Variants in DGKQ observed in about 807,000 individuals in gnomAD.
DGKQ encodes the protein DAG kinase theta.
A neutral mutation model predicts 104.2 loss-of-function variants in DGKQ; 97 were observed. The observed-to-expected ratio is 0.93, with a 90% CI of 0.79 to 1.10. DGKQ has a LOEUF of 1.10. DGKQ is among the 50% of genes least tolerant of loss of function. The pLI, the probability that DGKQ is intolerant of heterozygous loss-of-function variation, is 0.00. For missense variants in DGKQ, 1,465 were observed against 1,352.1 expected, an observed-to-expected ratio of 1.08 and a Z score of -1.31; for synonymous variants, 736 against 595.2, an observed-to-expected ratio of 1.24 and a Z score of -3.44.
chr4:960,323 GC>G lies in DGKQ; in HGVS notation c.*296del. The G allele has an allele frequency of 2.1e-6, 1 of 483,110 alleles. No individual in the cohort carries two copies. 29.9% of individuals were successfully genotyped at this position (483,110 alleles called of 1,614,324 possible). On this transcript the variant is annotated 3_prime_UTR_variant, in exon 23 of 23. Transcript: ENST00000273814. Reference sequence around the variant, plus strand: ...TGCCCACCCCTGAGGAGAGGACCAGGCCCCCACAGGGCAGAGGGCTCACCAT... The same window carrying G: ...TGCCCACCCCTGAGGAGAGGACCAGGCCCCACAGGGCAGAGGGCTCACCAT...
At position 960,572 on chromosome 4, in the gene DGKQ, C is replaced by T. The variant is rs776347949; in HGVS notation, c.*48G>A. ...GCCTCCAGACCACCTGAAAACAAGG[C>T]TGGCGGGAGCAGAGATGGCTCGAGC... On this transcript the variant is annotated 3_prime_UTR_variant, in exon 23 of 23. Coordinates refer to ENST00000273814, the MANE Select transcript of DGKQ (RefSeq NM_001347.4). The T allele has an allele frequency of 1.5e-5, 23 of 1,552,588 alleles. No homozygotes were observed. In the Admixed American group the frequency reaches 3.0e-4, roughly 20 times the overall value.
At chr4:972,749 G>A (rs1560522889) in intron 1 of DGKQ, among the ~76,000 whole-genome samples, 1 of 152,226 alleles carries the variant, frequency 6.6e-6, no homozygotes, top group African/African-American at 2.4e-5. Flanking sequence ...AGCAAGAGCT[G>A]GGCAGCTGGG....
Position 971,101 on chromosome 4 carries a change from C to A in DGKQ, c.272-29G>T, listed in dbSNP as rs1224876317. On this transcript the variant is annotated intron_variant, in intron 1 of 22. Transcript: ENST00000273814. The surrounding 1 kb of genome is among the most constrained non-coding windows in gnomAD (Gnocchi z 4.0). Reference sequence around the variant, plus strand: ...TGGGAATGAGCACTGTGTGAGTTGGCCCCTGTCCTACCCAATGGCTGTCCT... The same window carrying A: ...TGGGAATGAGCACTGTGTGAGTTGGACCCTGTCCTACCCAATGGCTGTCCT... The A allele has an allele frequency of 1.3e-6, 2 of 1,526,106 alleles. No individual in the cohort carries two copies. The highest frequency in any genetic ancestry group is 1.8e-6 in the Non-Finnish European group (2 of 1,124,670). 94.5% of individuals were successfully genotyped at this position (1,526,106 alleles called of 1,614,324 possible). A position where few individuals can be genotyped will look rare whatever the true frequency, so the allele number is the denominator to read the frequency against.
Position 968,878 on chromosome 4 carries a change from C to T in DGKQ, c.384G>A (p.Gly128=), listed in dbSNP as rs535327791. The T allele has an allele frequency of 1.4e-5, 23 of 1,600,834 alleles. No individual in the cohort carries two copies. Among genetic ancestry groups the T allele is most frequent in the East Asian group, 2.2e-5 (1 of 44,502 alleles). The change falls in exon 3 of 23, where the codon GGG becomes GGA. Residue 128 remains glycine, a synonymous_variant. Coordinates refer to ENST00000273814, the MANE Select transcript of DGKQ (RefSeq NM_001347.4). ...VPVAHCFGPR[G]LHKRKFCAVC... ...CAGCACAGAACTTGCGCTTGTGGAG[C>T]CCCCGGGGGCCGAAGCAGTGGGCTA...
chr4:966,858 C>A, intron 10 of DGKQ, 56 bp from the exon 11 acceptor site: 1 of 1,574,198 alleles, frequency 6.4e-7, no homozygotes, highest in Non-Finnish European at 8.6e-7. Flanking sequence ...CCTCAGGACA[C>A]CCGCGGGGAC....
chr4:965,377 A>G, intron 14 of DGKQ, 86 bp from the exon 15 acceptor site: 1 of 1,553,646 alleles, frequency 6.4e-7, no homozygotes, highest in African/African-American at 1.4e-5. Flanking sequence ...ACGTTTCCCC[A>G]GCCCAGGGCT....
chr4:961,542 G>A lies in DGKQ; in HGVS notation c.2499C>T (p.Ser833=), dbSNP rs372051327. The change falls in exon 21 of 23, where the codon AGC becomes AGT. Residue 833 remains serine (S), a synonymous_variant. Coordinates refer to ENST00000273814, the MANE Select transcript of DGKQ (RefSeq NM_001347.4). ...TGCGTGGCTTCTCAAACCTGGTGTCGCTGTCGGAGCCCCACAGGTCGGCCC... is the reference window on the plus strand; with the variant it reads ...TGCGTGGCTTCTCAAACCTGGTGTCACTGTCGGAGCCCCACAGGTCGGCCC... The part of the protein sequence containing the change: ...GSGADLWGSD[S]DTRFEKPRMD... The A allele has an allele frequency of 6.6e-5, 106 of 1,609,072 alleles. No individual in the cohort carries two copies. The highest frequency in any genetic ancestry group is 4.7e-4 in the Admixed American group (28 of 59,720).
At chr4:965,776 A>G in intron 13 of DGKQ, 152 bp downstream of exon 13, 1 of 950,508 alleles carries the variant, frequency 1.1e-6, no homozygotes, top group South Asian at 1.7e-5. Context: ...GAGGCTCCAG[A>G]GCCTCTTGGA....
In DGKQ at chr4:962,044, G is replaced by T; in HGVS notation, c.2253C>A (p.Asp751Glu). 1 of 1,612,922 alleles carries T rather than the reference G, an allele frequency of 6.2e-7. No homozygotes were observed. Among genetic ancestry groups the T allele is most frequent in the Non-Finnish European group, 8.5e-7 (1 of 1,179,942 alleles). The change falls in exon 19 of 23, where the codon GAC becomes GAA. Residue 751 changes from aspartate (D) to glutamate (E), a missense_variant. Coordinates refer to ENST00000273814, the MANE Select transcript of DGKQ (RefSeq NM_001347.4). ...QMSNYCGIGI[D>E]AELSLDFHQA... The stretch of plus-strand genomic sequence containing the variant: ...GGTGGAAGTCCAGGCTCAGCTCCGC[G>T]TCGATGCCAATGCCACAGTAGTTAC...
Position 973,303 on chromosome 4 carries a change from TC to T in DGKQ, c.179del (p.Gly60AspfsTer7). The part of the protein sequence containing the change: ...VRAPGPAAAP[G>X]HSFRKVTLTK... The stretch of plus-strand genomic sequence containing the variant: ...TGAGCGTCACCTTCCGGAAGCTGTG[TC>T]CCGGCGCGGCAGCGGGGCCCGGGGC... On this transcript the variant is annotated frameshift_variant, in exon 1 of 23. Coordinates refer to ENST00000273814, the MANE Select transcript of DGKQ (RefSeq NM_001347.4). LOFTEE classifies it high-confidence loss of function. 6.7e-7 allele frequency: 1 copy of T among 1,501,592 alleles called. No homozygotes were observed. Among genetic ancestry groups the T allele is most frequent in the Non-Finnish European group, 8.9e-7 (1 of 1,125,738 alleles). The allele number at this position is 1,501,592 out of a possible 1,614,324, so 93.0% of individuals were successfully genotyped here.
Position 960,719 on chromosome 4 carries a change from C to T in DGKQ, c.2730G>A (p.Val910=), listed in dbSNP as rs142985195. Residue 910 remains valine (V), a splice_region_variant and synonymous_variant, in exon 23 of 23, where the codon GTG becomes GTA. Coordinates refer to ENST00000273814, the MANE Select transcript of DGKQ (RefSeq NM_001347.4). Reference sequence around the variant, plus strand: ...TCTGCTTGGCCTTCCTCAGCATGTGCACCTGTCCCAGGGCAGGGGACAGAG... The same window carrying T: ...TCTGCTTGGCCTTCCTCAGCATGTGTACCTGTCCCAGGGCAGGGGACAGAG... ...HMIISAAGPK[V]HMLRKAKQKP... 6.5e-5 allele frequency: 105 copies of T among 1,611,914 alleles called. No homozygotes were observed. The highest frequency in any genetic ancestry group is 4.7e-4 in the Admixed American group (28 of 60,006).
chr4:963,283 T>C lies in DGKQ; in HGVS notation c.1742A>G (p.Lys581Arg). ...ALVLPDLLHA[K>R]LPPDSCPLLV... ...GAGGGGACAGCTGTCTGGGGGCAGC[T>C]TCGCGTGCTGACAGACAGGGGGCTG... Residue 581 changes from lysine to arginine, a missense_variant, in exon 16 of 23, where the codon AAG (lysine) becomes AGG (arginine). By Grantham distance (26) the Lys-to-Arg change is conservative. Coordinates refer to ENST00000273814, the MANE Select transcript of DGKQ (RefSeq NM_001347.4). The C allele has an allele frequency of 6.2e-7, 1 of 1,601,024 alleles. No individual in the cohort carries two copies. Among genetic ancestry groups the C allele is most frequent in the Non-Finnish European group, 8.5e-7 (1 of 1,170,512 alleles).
In DGKQ at chr4:973,261, G is replaced by C; in HGVS notation, c.222C>G (p.Cys74Trp). 6.4e-7 allele frequency: 1 copy of C among 1,554,558 alleles called. No homozygotes were observed. The highest frequency in any genetic ancestry group is 8.7e-7 in the Non-Finnish European group (1 of 1,153,582). ...CCCAGATGAAGTCGGAGCAGAGGTG[G>C]CAGAAGGTGGGCTTGGTGAGCGTCA... ...RKVTLTKPTF[C>W]HLCSDFIWGL... The change falls in exon 1 of 23, where the codon TGC becomes TGG. Residue 74 changes from cysteine (C) to tryptophan (W), a missense_variant. Transcript: ENST00000273814.
chr4:966,888 T>C (rs1481837372), intron 10 of DGKQ, 76 bp downstream of exon 10: 48 of 1,553,480 alleles, frequency 3.1e-5, no homozygotes, highest in Non-Finnish European at 4.2e-5. Context: ...TGGGCTGGGA[T>C]GGTGGCCTGG....
Position 959,812 on chromosome 4 carries a change from G to A in DGKQ, c.*808C>T, listed in dbSNP as rs1711740254. The A allele has an allele frequency of 6.6e-6, 1 of 152,096 alleles. No homozygotes were observed. Among genetic ancestry groups the A allele is most frequent in the Admixed American group, 6.5e-5 (1 of 15,280 alleles). 9.4% of individuals were successfully genotyped at this position (152,096 alleles called of 1,614,324 possible). The stretch of plus-strand genomic sequence containing the variant: ...GGGTGCTAAGTGCCCCACCCTGAGG[G>A]CCGAGGGGCAGACACTCGGGCCCGG... On this transcript the variant is annotated 3_prime_UTR_variant, in exon 23 of 23. Transcript: ENST00000273814.
intron 15 of DGKQ, 42 bp downstream of exon 15, chr4:965,134 C>G (rs755500134): frequency 3.8e-6 from 6 of 1,567,598 alleles, no homozygotes; most frequent in Non-Finnish European, 3.5e-6. Context: ...CCTCTGGCCA[C>G]CCCCTGGGGT....
chr4:967,677 G>A (rs1209954997), intron 7 of DGKQ, 28 bp from the exon 8 acceptor site: 10 of 1,612,216 alleles, frequency 6.2e-6, no homozygotes, highest in Admixed American at 1.7e-5. Flanking sequence ...CGTGAGTCCC[G>A]GGCGCCCGGG....
chr4:973,254 A>G lies in DGKQ; in HGVS notation c.229T>C (p.Cys77Arg). 1.3e-6 allele frequency: 2 copies of G among 1,556,986 alleles called. No individual in the cohort carries two copies. Among genetic ancestry groups the G allele is most frequent in the Non-Finnish European group, 8.7e-7 (1 of 1,154,806 alleles). Reference sequence around the variant, plus strand: ...GCCAGCCCCCAGATGAAGTCGGAGCAGAGGTGGCAGAAGGTGGGCTTGGTG... The same window carrying G: ...GCCAGCCCCCAGATGAAGTCGGAGCGGAGGTGGCAGAAGGTGGGCTTGGTG... The part of the protein sequence containing the change: ...TLTKPTFCHL[C>R]SDFIWGLAGF... Residue 77 changes from cysteine (C) to arginine (R), a missense_variant, in exon 1 of 23, where the codon TGC becomes CGC. Transcript: ENST00000273814.
Position 965,501 on chromosome 4 carries a change from G to A in DGKQ, c.1608C>T (p.Tyr536=). The A allele has an allele frequency of 6.2e-7, 1 of 1,611,914 alleles. No homozygotes were observed. Among genetic ancestry groups the A allele is most frequent in the Non-Finnish European group, 8.5e-7 (1 of 1,179,572 alleles). The part of the protein sequence containing the change: ...KATVVSVSHI[Y]SSQGAVVLDV... Reference sequence around the variant, plus strand: ...CTCAGGGCAGCTCACCTTGGGAGGAGTAGATGTGACTCACGGACACCACGG... The same window carrying A: ...CTCAGGGCAGCTCACCTTGGGAGGAATAGATGTGACTCACGGACACCACGG... Residue 536 remains tyrosine, a synonymous_variant, in exon 14 of 23, where the codon TAC becomes TAT. Coordinates refer to ENST00000273814, the MANE Select transcript of DGKQ (RefSeq NM_001347.4).
Sources: gnomAD v4.1 joint callset for allele counts (sites outside exome capture counted in the v4.1 genomes callset) on GRCh38, gnomAD v4.1.1 for gene constraint, Gnocchi (gnomAD v3.1) non-coding constraint, MANE v1.5 for transcripts, NCBI Gene and HGNC (gene_info 2026-07-23, HGNC 2026-07-21) for gene names.